CHRM2: variants seen among roughly 807,000 people sequenced by gnomAD.
CHRM2 encodes the protein muscarinic acetylcholine receptor M2.
CHRM2 carries 8 observed loss-of-function variants against 25.0 expected under a neutral mutation model. That is an observed-to-expected ratio of 0.32 (90% CI 0.19 to 0.58). The LOEUF is 0.58. Ranked by LOEUF, CHRM2 falls within the 20% of genes least tolerant of loss-of-function variation. The pLI is 0.88. For missense variants in CHRM2, 440 were observed against 567.1 expected, an observed-to-expected ratio of 0.78 and a Z score of 2.28; for synonymous variants, 202 against 205.7, an observed-to-expected ratio of 0.98 and a Z score of 0.15.
intron 2 of CHRM2, among the ~76,000 whole-genome samples, chr7:136,972,014 A>T (rs1295307931): frequency 6.6e-6 from 1 of 152,218 alleles, no homozygotes; most frequent in Non-Finnish European, 1.5e-5. Context: ...CATAAAGGGC[A>T]AAATGGTTTC....
At chr7:136,922,648 T>C (rs1378046067) in intron 2 of CHRM2, among the ~76,000 whole-genome samples, 1 of 152,176 alleles carries the variant, frequency 6.6e-6, no homozygotes, top group Non-Finnish European at 1.5e-5. Context: ...CCTGTGACTC[T>C]CTCAAATTGG....
intron 2 of CHRM2, among the ~76,000 whole-genome samples, chr7:136,915,098 T>C (rs532562531): frequency 6.6e-6 from 1 of 151,988 alleles, no homozygotes; most frequent in East Asian, 1.9e-4. Context: ...TACAGGCTTC[T>C]ACTGTAATGC....
chr7:137,011,027 C>T (rs1184372393), intron 3 of CHRM2, among the ~76,000 whole-genome samples: 3 of 151,790 alleles, frequency 2.0e-5, no homozygotes, highest in Non-Finnish European at 2.9e-5. Context: ...CTTGTGCAAC[C>T]TCAGTTTTAT....
rs562685010 is a variant in CHRM2 at position 136,877,420 on chromosome 7, A to T, written c.-125+8002A>T. The stretch of plus-strand genomic sequence containing the variant: ...GTACTTGATTTCTTTTCTATTTCTT[A>T]TTTTTTTCCTTCTTAAATTCCTTTC... On this transcript the variant is annotated intron_variant, in intron 2 of 3. Coordinates refer to ENST00000680005, the MANE Select transcript of CHRM2 (RefSeq NM_001006630.2). Among the ~76,000 whole-genome samples the T allele has an allele frequency of 1.1e-4, 16 of 152,002 alleles. No homozygotes were observed. The East Asian group carries it at 3.1e-3, about 29-fold the overall frequency.
intron 2 of CHRM2, chr7:136,899,284 C>A (rs572181972): frequency 6.6e-6 from 1 of 152,104 alleles, no homozygotes; most frequent in East Asian, 1.9e-4. Flanking sequence ...CATCATTTGG[C>A]AAACTAAAAA....
At chr7:136,921,700 G>A (rs558920631) in intron 2 of CHRM2, among the ~76,000 whole-genome samples, 14 of 151,964 alleles carry the variant, frequency 9.2e-5, no homozygotes, top group Non-Finnish European at 2.1e-4. Context: ...TGGATAAAAA[G>A]TCAGCCTTCT....
intron 3 of CHRM2, among the ~76,000 whole-genome samples, chr7:137,006,136 T>G (rs1282948186): frequency 2.6e-5 from 4 of 152,146 alleles, no homozygotes; most frequent in Admixed American, 6.6e-5. Context: ...TTGAGTTCTG[T>G]CAAATCCTTG....
intron 2 of CHRM2, among the ~76,000 whole-genome samples, chr7:136,888,554 T>C (rs1796562471): frequency 6.6e-6 from 1 of 152,062 alleles, no homozygotes; most frequent in Admixed American, 6.6e-5. Flanking sequence ...AAGGTCTCTG[T>C]GGTGGGGAGT....
chr7:136,921,527 T>C (rs1407173666), intron 2 of CHRM2, among the ~76,000 whole-genome samples: 2 of 152,164 alleles, frequency 1.3e-5, no homozygotes, highest in Non-Finnish European at 2.9e-5. Context: ...ACTTTCAGCA[T>C]GTGGCCTCTT....
At chr7:136,927,798 T>C (rs932002658) in intron 2 of CHRM2, among the ~76,000 whole-genome samples, 1 of 152,150 alleles carries the variant, frequency 6.6e-6, no homozygotes, top group Non-Finnish European at 1.5e-5. Flanking sequence ...AATATTTAAA[T>C]ATAGGTATTG....
At chr7:136,986,472 G>A (rs1420497299) in intron 2 of CHRM2, among the ~76,000 whole-genome samples, 1 of 152,102 alleles carries the variant, frequency 6.6e-6, no homozygotes, top group Non-Finnish European at 1.5e-5. Flanking sequence ...TGTATAAACT[G>A]AATCTGCAAG....
At chr7:136,914,257 T>C (rs1480466727) in intron 2 of CHRM2, 1 of 151,956 alleles carries the variant, frequency 6.6e-6, no homozygotes, top group Non-Finnish European at 1.5e-5. Flanking sequence ...AGTCTCCAGG[T>C]GATTGCAAAT....
At chr7:136,924,049 T>C (rs1798597490) in intron 2 of CHRM2, among the ~76,000 whole-genome samples, 1 of 152,166 alleles carries the variant, frequency 6.6e-6, no homozygotes, top group African/African-American at 2.4e-5. Context: ...AAAATTATTC[T>C]TAAATGAGAT....
At chr7:136,885,730 A>C (rs1045626770) in intron 2 of CHRM2, among the ~76,000 whole-genome samples, 1 of 152,240 alleles carries the variant, frequency 6.6e-6, no homozygotes, top group Non-Finnish European at 1.5e-5. Context: ...TATACAATAC[A>C]CAGGTGATAA....
At chr7:136,945,497 C>T (rs1193779613) in intron 2 of CHRM2, among the ~76,000 whole-genome samples, 1 of 152,074 alleles carries the variant, frequency 6.6e-6, no homozygotes, top group Admixed American at 6.6e-5. Context: ...GTCCTTTCCC[C>T]ACTTTGTTTG....
chr7:136,913,874 C>A (rs1359887991), intron 2 of CHRM2, among the ~76,000 whole-genome samples: 3 of 151,978 alleles, frequency 2.0e-5, no homozygotes, highest in Non-Finnish European at 4.4e-5. Flanking sequence ...CCACTTCTGG[C>A]TTATTTCTCA....
intron 2 of CHRM2, among the ~76,000 whole-genome samples, chr7:136,935,752 T>C (rs1799376310): frequency 6.6e-6 from 1 of 152,178 alleles, no homozygotes; most frequent in Admixed American, 6.5e-5. Context: ...CAGGTATTCA[T>C]GGAAGTGTTC....
intron 2 of CHRM2, among the ~76,000 whole-genome samples, chr7:136,887,608 T>A (rs1796516756): frequency 6.6e-6 from 1 of 152,166 alleles, no homozygotes; most frequent in African/African-American, 2.4e-5. Flanking sequence ...AGTCTAAACT[T>A]GTCTCTTGAA....
At chr7:136,921,636 A>G (rs1798438142) in intron 2 of CHRM2, among the ~76,000 whole-genome samples, 1 of 152,028 alleles carries the variant, frequency 6.6e-6, no homozygotes, top group Non-Finnish European at 1.5e-5. Context: ...CTATTACTTC[A>G]CATTACTTTC....
Sources: gnomAD v4.1 joint callset for allele counts (sites outside exome capture counted in the v4.1 genomes callset) on GRCh38, gnomAD v4.1.1 for gene constraint, MANE v1.5 for transcripts, NCBI Gene and HGNC (gene_info 2026-07-23, HGNC 2026-07-21) for gene names.